NHS: variants seen among roughly 807,000 people sequenced by gnomAD.
NHS encodes NHS actin remodeling regulator.
Under a neutral mutation model 72.5 loss-of-function variants are expected in NHS, and 5 were observed. The observed-to-expected ratio is 0.07, with a 90% CI of 0.04 to 0.14. NHS has a LOEUF of 0.14. NHS is among the 10% of genes least tolerant of loss of function. The pLI, the probability that NHS is intolerant of heterozygous loss-of-function variation, is 1.00. For missense variants in NHS, 1,072 were observed against 1,355.7 expected (o/e 0.79, Z 3.29); for synonymous variants, 464 against 547.7 (o/e 0.85, Z 2.13).
At chrX:17,464,319 A>G (rs2064861689) in intron 1 of NHS, among the ~76,000 whole-genome samples, 1 of 111,822 alleles carries the variant, frequency 8.9e-6, no homozygotes, top group Non-Finnish European at 1.9e-5. Context: ...ACTCTCAGAG[A>G]TCAAGGAGAT....
intron 1 of NHS, among the ~76,000 whole-genome samples, chrX:17,524,910 A>G (rs775129492): frequency 8.9e-6 from 1 of 112,029 alleles, no homozygotes; most frequent in African/African-American, 3.2e-5. Context: ...ATAATGATTT[A>G]CTCTAATGGT....
At chrX:17,376,865 G>A (rs978990580) in intron 1 of NHS, among the ~76,000 whole-genome samples, 3 of 113,102 alleles carry the variant, frequency 2.7e-5, no homozygotes. Flanking sequence ...CCCGAGCTCC[G>A]AACTTGTGCC....
intron 1 of NHS, among the ~76,000 whole-genome samples, chrX:17,474,218 C>G (rs1205139714): frequency 9.0e-6 from 1 of 111,649 alleles, no homozygotes; most frequent in African/African-American, 3.3e-5. Context: ...AATGGTGAAT[C>G]CTTTACTCTT....
chrX:17,382,359 A>G (rs2064382551), intron 1 of NHS, among the ~76,000 whole-genome samples: 1 of 111,412 alleles, frequency 9.0e-6, no homozygotes, highest in South Asian at 3.8e-4. Context: ...TTGCCTTTTC[A>G]ATCTCTTAGT....
intron 1 of NHS, among the ~76,000 whole-genome samples, chrX:17,677,390 T>C (rs1306287577): frequency 9.0e-6 from 1 of 111,691 alleles, no homozygotes; most frequent in African/African-American, 3.3e-5. Context: ...ACTGCCACCT[T>C]AGTGTCTGGT....
intron 1 of NHS, among the ~76,000 whole-genome samples, chrX:17,489,188 T>C (rs1178924419): frequency 8.9e-6 from 1 of 112,373 alleles, no homozygotes; most frequent in Non-Finnish European, 1.9e-5. Flanking sequence ...ATCCAGTCTA[T>C]CACTGATGGG....
At chrX:17,610,882 A>G (rs1336935091) in intron 1 of NHS, among the ~76,000 whole-genome samples, 3 of 112,517 alleles carry the variant, frequency 2.7e-5, no homozygotes, top group Non-Finnish European at 5.6e-5. Context: ...GTGATCTGCA[A>G]ACTTCACTCC....
intron 1 of NHS, among the ~76,000 whole-genome samples, chrX:17,381,337 A>G (rs762983556): frequency 8.9e-6 from 1 of 111,860 alleles, no homozygotes; most frequent in Non-Finnish European, 1.9e-5. Context: ...CGCACAGACC[A>G]TAAGTGTTCG....
chrX:17,697,786 TA>T (rs1443607150), intron 3 of NHS, among the ~76,000 whole-genome samples: 1 of 111,376 alleles, frequency 9.0e-6, no homozygotes, highest in Admixed American at 9.5e-5. Context: ...GAAAATAGAA[TA>T]AGCTAATTGA....
At chrX:17,490,839 A>G (rs142154480) in intron 1 of NHS, among the ~76,000 whole-genome samples, 3,748 of 111,103 alleles carry the variant, frequency 0.034, 168 homozygotes, top group African/African-American at 0.12. Context: ...GAGGTCCTTC[A>G]CATCCCTTGT....
intron 1 of NHS, among the ~76,000 whole-genome samples, chrX:17,426,761 A>G (rs1233753379): frequency 1.8e-5 from 2 of 111,683 alleles, no homozygotes; most frequent in African/African-American, 6.5e-5. Flanking sequence ...TTCAGCATGA[A>G]TGAGCAGGGT....
intron 1 of NHS, among the ~76,000 whole-genome samples, chrX:17,571,362 A>G (rs950192350): frequency 2.7e-5 from 3 of 112,244 alleles, no homozygotes; most frequent in African/African-American, 9.7e-5. Flanking sequence ...TTATTGGTCT[A>G]TTCAGAGATT....
chrX:17,562,739 G>A (rs1156671594), intron 1 of NHS, among the ~76,000 whole-genome samples: 1 of 112,080 alleles, frequency 8.9e-6, no homozygotes, highest in Non-Finnish European at 1.9e-5. Flanking sequence ...GAGGATAGTG[G>A]TGTGGGATCC....
At chrX:17,516,044 TAA>T (rs367873952) in intron 1 of NHS, among the ~76,000 whole-genome samples, 38 of 88,970 alleles carry the variant, frequency 4.3e-4, no homozygotes, top group African/African-American at 7.6e-4. Context: ...TTAAAAGATG[TAA>T]AAAAAAAAAA....
intron 1 of NHS, among the ~76,000 whole-genome samples, chrX:17,490,811 C>T (rs972628107): frequency 8.5e-5 from 9 of 105,905 alleles, no homozygotes; most frequent in East Asian, 2.9e-4. Context: ...TGAGCAGTGG[C>T]TTGTAGTTCT....
At chrX:17,717,264 G>T (rs2066370291) in intron 3 of NHS, among the ~76,000 whole-genome samples, 1 of 112,554 alleles carries the variant, frequency 8.9e-6, no homozygotes, top group African/African-American at 3.2e-5. Flanking sequence ...ACTGTGCCTG[G>T]CTGCCCCTTA....
rs768366310 is a variant in NHS at position 17,443,081 on chromosome X, G to T, written c.565+66759G>T. Reference sequence around the variant, plus strand: ...AGACCACAGGATTCATTAAGTACTTGGTTTCTGGAGTCATACTCCCTAGAA... The same window carrying T: ...AGACCACAGGATTCATTAAGTACTTTGTTTCTGGAGTCATACTCCCTAGAA... On this transcript the variant is annotated intron_variant, in intron 1 of 8. Transcript: ENST00000676302. Among the ~76,000 whole-genome samples, 17 of 112,084 alleles carry T rather than the reference G, an allele frequency of 1.5e-4. No homozygotes were observed. The East Asian group carries it at 4.2e-3, about 28-fold the overall frequency.
Position 17,728,627 on chromosome X carries a change from A to T in NHS, c.4223-22A>T, listed in dbSNP as rs748885266. Reference sequence around the variant, plus strand: ...CGTGCTGGGTAACTTCCTCTTAAAGATTCTTCTGTTCTTATTTTAAGAATC... The same window carrying T: ...CGTGCTGGGTAACTTCCTCTTAAAGTTTCTTCTGTTCTTATTTTAAGAATC... On this transcript the variant is annotated intron_variant, in intron 7 of 8. Transcript: ENST00000676302. The T allele has an allele frequency of 3.3e-6, 4 of 1,207,753 alleles. No homozygotes were observed. The Admixed American group carries it at 6.6e-5, about 20-fold the overall frequency.
Position 17,576,150 on chromosome X carries a change from A to G in NHS, c.566-111592A>G, listed in dbSNP as rs753410817. On this transcript the variant is annotated intron_variant, in intron 1 of 8. Coordinates refer to ENST00000676302, the MANE Select transcript of NHS (RefSeq NM_001291867.2). ...GAATAGCACTTATAGAATACCTAATATGTTATTCTCTCACTATCCTCAGCC... is the reference window on the plus strand; with the variant it reads ...GAATAGCACTTATAGAATACCTAATGTGTTATTCTCTCACTATCCTCAGCC... 2.7e-5 allele frequency among the ~76,000 whole-genome samples: 3 copies of G among 111,459 alleles called. No homozygotes were observed. In the South Asian group the frequency reaches 1.1e-3, roughly 43 times the overall value.
Sources: gnomAD v4.1 joint callset for allele counts (sites outside exome capture counted in the v4.1 genomes callset) on GRCh38, gnomAD v4.1.1 for gene constraint, MANE v1.5 for transcripts, NCBI Gene and HGNC (gene_info 2026-07-23, HGNC 2026-07-21) for gene names.